CPAP: variants seen among roughly 807,000 people sequenced by gnomAD.
CPAP encodes the protein centrosome assembly and centriole elongation protein.
chr13:24,886,159 A>T, the CPAP span: 1 of 485,120 alleles, frequency 2.1e-6, no homozygotes, highest in Non-Finnish European at 3.8e-6. Flanking sequence ...AGTGAGGTGA[A>T]TCTCTCTCTA....
the CPAP span, among the ~76,000 whole-genome samples, chr13:24,893,507 C>T: frequency 6.6e-6 from 1 of 152,236 alleles, no homozygotes; most frequent in Non-Finnish European, 1.5e-5. Flanking sequence ...GCCCCTGCAC[C>T]TCAGTAATCC....
chr13:24,902,378 T>C, the CPAP span, among the ~76,000 whole-genome samples: 1 of 152,202 alleles, frequency 6.6e-6, no homozygotes, highest in Non-Finnish European at 1.5e-5. Context: ...GGAGAACGGA[T>C]TGGAATAAGT....
the CPAP span, chr13:24,886,329 G>T: frequency 7.8e-7 from 1 of 1,289,270 alleles, no homozygotes; most frequent in South Asian, 1.2e-5. Flanking sequence ...AAGGAGGAGA[G>T]CGGAGGCAGG....
chr13:24,896,902 T>C, the CPAP span, among the ~76,000 whole-genome samples: 1 of 152,276 alleles, frequency 6.6e-6, no homozygotes, highest in Admixed American at 6.5e-5. Flanking sequence ...AGTTTTCTGA[T>C]AGCAGAATTT....
chr13:24,932,804 CA>C, the CPAP span, among the ~76,000 whole-genome samples: 3 of 152,346 alleles, frequency 2.0e-5, no homozygotes, highest in South Asian at 6.2e-4. Context: ...ATATCAGCCA[CA>C]AAAGCTAGAA....
the CPAP span, among the ~76,000 whole-genome samples, chr13:24,895,953 A>T: frequency 6.6e-6 from 1 of 152,242 alleles, no homozygotes; most frequent in Non-Finnish European, 1.5e-5. Context: ...AATATTTTTC[A>T]ACATAACTGT....
chr13:24,891,180 G>C, the CPAP span, among the ~76,000 whole-genome samples: 2 of 151,784 alleles, frequency 1.3e-5, no homozygotes, highest in African/African-American at 4.8e-5. Context: ...CCTGACACAG[G>C]TGGTCACTCT....
the CPAP span, among the ~76,000 whole-genome samples, chr13:24,888,891 A>G: frequency 2.0e-5 from 3 of 152,158 alleles, no homozygotes; most frequent in Non-Finnish European, 2.9e-5. Context: ...CTACAGGGTG[A>G]GTGTCCCTTA....
At chr13:24,912,616 G>A in the CPAP span, 1 of 1,613,570 alleles carries the variant, frequency 6.2e-7, no homozygotes, top group Non-Finnish European at 8.5e-7. Context: ...GTCTTTATAA[G>A]CCCCTTCTTT....
the CPAP span, among the ~76,000 whole-genome samples, chr13:24,905,001 G>A: frequency 6.6e-6 from 1 of 152,074 alleles, no homozygotes; most frequent in Admixed American, 6.5e-5. Flanking sequence ...TGTATAGAAA[G>A]GTAATTATAT....
the CPAP span, among the ~76,000 whole-genome samples, chr13:24,925,265 C>T: frequency 7.2e-5 from 11 of 152,310 alleles, no homozygotes; most frequent in East Asian, 1.7e-3. Flanking sequence ...GCATGAGCCA[C>T]TGTGCTTGGC....
the CPAP span, chr13:24,882,444 A>G: frequency 6.6e-6 from 1 of 151,944 alleles, no homozygotes; most frequent in East Asian, 1.9e-4. Context: ...TGACTTGCCC[A>G]TCCTTCAGGG....
chr13:24,883,409 A>ATAAT, the CPAP span: 30 of 1,439,222 alleles, frequency 2.1e-5, no homozygotes, highest in South Asian at 6.4e-5. Context: ...TAAAAAAAAA[A>ATAAT]TAATAGAAAA....
At chr13:24,903,818 A>G in the CPAP span, 1 of 1,242,576 alleles carries the variant, frequency 8.0e-7, no homozygotes, top group African/African-American at 1.5e-5. Flanking sequence ...CTCCTTTTCA[A>G]TTATATTTGT....
the CPAP span, chr13:24,885,387 C>T: frequency 5.6e-6 from 9 of 1,600,490 alleles, 1 homozygote; most frequent in South Asian, 6.6e-5. Context: ...GAGAGGCAGC[C>T]TGTAAGCACA....
At chr13:24,884,266 T>C in the CPAP span, 3 of 1,613,982 alleles carry the variant, frequency 1.9e-6, no homozygotes, top group Admixed American at 1.7e-5. Context: ...ACACAGTCAG[T>C]CTGCCTTTTC....
chr13:24,905,938 A>G, the CPAP span: 2 of 1,613,958 alleles, frequency 1.2e-6, no homozygotes, highest in Admixed American at 1.7e-5. Flanking sequence ...TGCTACTGTC[A>G]CTATTTGGAA....
At chr13:24,900,116 T>C in the CPAP span, among the ~76,000 whole-genome samples, 1 of 152,116 alleles carries the variant, frequency 6.6e-6, no homozygotes, top group African/African-American at 2.4e-5. Context: ...GGTGAAACTG[T>C]GTTGTATGTG....
chr13:24,901,918 G>A, the CPAP span, among the ~76,000 whole-genome samples: 5 of 152,180 alleles, frequency 3.3e-5, no homozygotes, highest in Non-Finnish European at 1.5e-5. Flanking sequence ...TTGAGCCCAG[G>A]AGGCAGAGGT....
Sources: gnomAD v4.1 joint callset for allele counts (sites outside exome capture counted in the v4.1 genomes callset) on GRCh38, gnomAD v4.1.1 for gene constraint, MANE v1.5 for transcripts, NCBI Gene and HGNC (gene_info 2026-07-23, HGNC 2026-07-21) for gene names.